Variants in RBBP8NL observed in about 807,000 individuals in gnomAD.
RBBP8NL encodes RBBP8 N-terminal like.
Under a neutral mutation model 62.2 loss-of-function variants are expected in RBBP8NL, and 59 were observed. That is an observed-to-expected ratio of 0.95 (90% CI 0.77 to 1.18). RBBP8NL has a LOEUF of 1.18. Among genes scored for constraint, RBBP8NL ranks in the 50% most tolerant of loss-of-function variants. The pLI is 0.00. For missense variants in RBBP8NL, 896 were observed against 899.5 expected, an observed-to-expected ratio of 1.00 and a Z score of 0.05; for synonymous variants, 412 against 394.1, an observed-to-expected ratio of 1.05 and a Z score of -0.54.
Position 62,418,295 on chromosome 20 carries a change from C to T in RBBP8NL, c.104+128G>A, listed in dbSNP as rs1160570591. Reference sequence around the variant, plus strand: ...ACCTTGGACAAGTGACTCCCCCCGCCCCCACACTGAGCCTCAGTTTCCCTT... The same window carrying T: ...ACCTTGGACAAGTGACTCCCCCCGCTCCCACACTGAGCCTCAGTTTCCCTT... On this transcript the variant is annotated intron_variant, in intron 3 of 13. Transcript: ENST00000252998. 7 of 945,456 alleles carry T rather than the reference C, an allele frequency of 7.4e-6. No homozygotes were observed. The East Asian group carries it at 7.9e-5, about 11-fold the overall frequency. The allele number at this position is 945,456 out of a possible 1,614,324, so 58.6% of individuals were successfully genotyped here. A position where few individuals can be genotyped will look rare whatever the true frequency, so the allele number is the denominator to read the frequency against.
rs1988421263 is a variant in RBBP8NL at position 62,411,000 on chromosome 20, T to C, written c.1877-4A>G. ...CCTCTGGATGGCTTTTTGGAGGCTA[T>C]GGGAAGTGGCCGGAGGTCAGGCCGG... On this transcript the variant is annotated splice_region_variant and splice_polypyrimidine_tract_variant and intron_variant, in intron 13 of 13. Coordinates refer to ENST00000252998, the MANE Select transcript of RBBP8NL (RefSeq NM_080833.3). The C allele has an allele frequency of 1.3e-6, 2 of 1,594,594 alleles. No individual in the cohort carries two copies. The highest frequency in any genetic ancestry group is 2.2e-5 in the South Asian group (2 of 90,686).
Position 62,419,733 on chromosome 20 carries a change from G to A in RBBP8NL, c.-83-3C>T, listed in dbSNP as rs1988659102. Reference sequence around the variant, plus strand: ...TCTACTGCCCCTCTGTGTCCATCCTGAAGAGGAGGAAGAGGGGACAGGGAT... The same window carrying A: ...TCTACTGCCCCTCTGTGTCCATCCTAAAGAGGAGGAAGAGGGGACAGGGAT... On this transcript the variant is annotated splice_polypyrimidine_tract_variant and splice_region_variant and intron_variant, in intron 1 of 13. Coordinates refer to ENST00000252998, the MANE Select transcript of RBBP8NL (RefSeq NM_080833.3). 6 of 1,396,154 alleles carry A rather than the reference G, an allele frequency of 4.3e-6. No homozygotes were observed. Among genetic ancestry groups the A allele is most frequent in the Non-Finnish European group, 6.0e-6 (6 of 997,632 alleles). 86.5% of individuals were successfully genotyped at this position (1,396,154 alleles called of 1,614,324 possible).
Position 62,423,075 on chromosome 20 carries a change from C to T in RBBP8NL, c.-83-3345G>A, listed in dbSNP as rs140178611. Among the ~76,000 whole-genome samples, 927 of 152,118 alleles carry T rather than the reference C, an allele frequency of 6.1e-3. 12 individuals carry two copies. Among genetic ancestry groups the T allele is most frequent in the African/African-American group, 0.021 (866 of 41,490 alleles). ...TTGCTGGTGAAGGGGACCAACAGGA[C>T]GCTGAGCTCCAGAGGTGGGGACAGC... On this transcript the variant is annotated intron_variant, in intron 1 of 13. Coordinates refer to ENST00000252998, the MANE Select transcript of RBBP8NL (RefSeq NM_080833.3).
intron 13 of RBBP8NL, among the ~76,000 whole-genome samples, chr20:62,412,349 A>T (rs1161974770): frequency 6.6e-6 from 1 of 152,072 alleles, no homozygotes; most frequent in Non-Finnish European, 1.5e-5. Context: ...ACGATCCCTA[A>T]TGTCAGCCCC....
Position 62,418,809 on chromosome 20 carries a change from G to A in RBBP8NL, c.62-344C>T, listed in dbSNP as rs117028509. ...TGTGTGTGTGTGTGTGTCATAGCTA[G>A]TGTTGAAATAAGATAAGCTTCTGGG... On this transcript the variant is annotated intron_variant, in intron 2 of 13. Transcript: ENST00000252998. Among the ~76,000 whole-genome samples the A allele has an allele frequency of 1.1e-3, 170 of 152,320 alleles. No homozygotes were observed. In the East Asian group the frequency reaches 0.029, roughly 26 times the overall value.
At position 62,416,939 on chromosome 20, in the gene RBBP8NL, A is replaced by G. The variant is rs373138115; in HGVS notation, c.201-67T>C. Reference sequence around the variant, plus strand: ...AAGCCACAGAGGGCCTGGGACACTCACTGCCCCACTGCTGGGAAGTGCCCC... The same window carrying G: ...AAGCCACAGAGGGCCTGGGACACTCGCTGCCCCACTGCTGGGAAGTGCCCC... On this transcript the variant is annotated intron_variant, in intron 4 of 13. Coordinates refer to ENST00000252998, the MANE Select transcript of RBBP8NL (RefSeq NM_080833.3). The G allele has an allele frequency of 5.5e-5, 66 of 1,209,138 alleles. No homozygotes were observed. In the South Asian group the frequency reaches 8.0e-4, roughly 15 times the overall value. The allele number at this position is 1,209,138 out of a possible 1,614,324, so 74.9% of individuals were successfully genotyped here.
intron 9 of RBBP8NL, 149 bp downstream of exon 9, chr20:62,414,972 G>A (rs1398007838): frequency 3.7e-6 from 3 of 819,492 alleles, no homozygotes; most frequent in Non-Finnish European, 5.4e-6. Flanking sequence ...GTCCACGTGG[G>A]AACTTTGCTC....
chr20:62,419,329 C>G (rs553581158), intron 2 of RBBP8NL, among the ~76,000 whole-genome samples: 16 of 152,280 alleles, frequency 1.1e-4, no homozygotes, highest in Admixed American at 9.8e-4. Flanking sequence ...AGTGCCCCTC[C>G]CCCTCGGGGT....
chr20:62,410,571 T>C lies in RBBP8NL; in HGVS notation c.*307A>G, dbSNP rs2236201. 0.45 allele frequency: 177,639 copies of C among 399,150 alleles called. 42,413 individuals are homozygous for C. Among genetic ancestry groups the C allele is most frequent in the African/African-American group, 0.62 (30,053 of 48,638 alleles). The allele number at this position is 399,150 out of a possible 1,614,324, so 24.7% of individuals were successfully genotyped here. A position where few individuals can be genotyped will look rare whatever the true frequency, so the allele number is the denominator to read the frequency against. ...GGCCGCAGAGCATTTCCCAGGTGGG[T>C]GGAGACGGGGTGAATCGCCAGCCTG... On this transcript the variant is annotated 3_prime_UTR_variant, in exon 14 of 14. Transcript: ENST00000252998.
At chr20:62,422,014 C>T (rs539940998) in intron 1 of RBBP8NL, among the ~76,000 whole-genome samples, 9 of 152,224 alleles carry the variant, frequency 5.9e-5, no homozygotes, top group Admixed American at 6.5e-5. Context: ...TCCTGCTCAA[C>T]CTTCCCTGAA....
intron 8 of RBBP8NL, 48 bp downstream of exon 8, chr20:62,415,530 C>T: frequency 6.3e-7 from 1 of 1,592,008 alleles, no homozygotes; most frequent in Non-Finnish European, 8.6e-7. Flanking sequence ...AGCCTCCTGC[C>T]TGCGCCGGCC....
At chr20:62,417,399 G>A (rs1988593840) in intron 3 of RBBP8NL, 80 bp from the exon 4 acceptor site, 1 of 1,170,970 alleles carries the variant, frequency 8.5e-7, no homozygotes, top group African/African-American at 2.2e-5. Flanking sequence ...GCCTGGGGGG[G>A]CAGCGCGATT....
rs188656076 is a variant in RBBP8NL, at chr20:62,416,114, G to C, written c.386+50C>G. 358 of 1,557,068 alleles carry C rather than the reference G, an allele frequency of 2.3e-4. 3 individuals are homozygous for C. The South Asian group carries it at 4.0e-3, about 17-fold the overall frequency. On this transcript the variant is annotated intron_variant, in intron 6 of 13. Transcript: ENST00000252998. ...GGGACGTGTGCTGGGTGCTGCTCGG[G>C]GGGTGCTGGGGAGTTGGGTGTCTGA...
At chr20:62,419,449 T>C (rs762119850) in intron 2 of RBBP8NL, 138 bp downstream of exon 2, 2 of 892,188 alleles carry the variant, frequency 2.2e-6, no homozygotes, top group Non-Finnish European at 3.4e-6. Flanking sequence ...CTCCCCTGCC[T>C]GGGCCAAAAA....
In RBBP8NL at chr20:62,427,466, C is replaced by T. The variant is rs1240366953; in HGVS notation, c.-90G>A. 1 of 152,330 alleles carries T rather than the reference C, an allele frequency of 6.6e-6. No individual in the cohort carries two copies. Among genetic ancestry groups the T allele is most frequent in the Non-Finnish European group, 1.5e-5 (1 of 68,114 alleles). 9.4% of individuals were successfully genotyped at this position (152,330 alleles called of 1,614,324 possible). On this transcript the variant is annotated 5_prime_UTR_variant, in exon 1 of 14. Transcript: ENST00000252998. ...CGGGGTCCCGGGTACTCACATGGCT[C>T]CTGGCCCTGCCTCAACCTCTGTCGA...
intron 5 of RBBP8NL, 74 bp downstream of exon 5, chr20:62,416,686 A>G (rs1988574255): frequency 3.0e-6 from 3 of 1,014,020 alleles, no homozygotes; most frequent in Non-Finnish European, 3.0e-6. Flanking sequence ...CCATGCCCCT[A>G]CATGGGCTGA....
chr20:62,415,104 G>A lies in RBBP8NL; in HGVS notation c.794+17C>T. 2 of 1,456,090 alleles carry A rather than the reference G, an allele frequency of 1.4e-6. No homozygotes were observed. Among genetic ancestry groups the A allele is most frequent in the South Asian group, 1.4e-5 (1 of 69,510 alleles). 90.2% of individuals were successfully genotyped at this position (1,456,090 alleles called of 1,614,324 possible). A position where few individuals can be genotyped will look rare whatever the true frequency, so the allele number is the denominator to read the frequency against. On this transcript the variant is annotated intron_variant, in intron 9 of 13. Coordinates refer to ENST00000252998, the MANE Select transcript of RBBP8NL (RefSeq NM_080833.3). The stretch of plus-strand genomic sequence containing the variant: ...TCATCTGAGGCTACTCTGGGTGAGG[G>A]TGGGGCAGGCGGGCACCTGTCCAGG...
Position 62,410,653 on chromosome 20 carries a change from G to A in RBBP8NL, c.*225C>T, listed in dbSNP as rs1426578319. 3 of 559,032 alleles carry A rather than the reference G, an allele frequency of 5.4e-6. No homozygotes were observed. The highest frequency in any genetic ancestry group is 3.8e-5 in the African/African-American group (2 of 52,762). The allele number at this position is 559,032 out of a possible 1,614,324, so 34.6% of individuals were successfully genotyped here. ...AGTGGGCCAGGATGTGCCCGTCACC[G>A]GCTCTTCGGGGTTGCCTGCTGGTTG... On this transcript the variant is annotated 3_prime_UTR_variant, in exon 14 of 14. Coordinates refer to ENST00000252998, the MANE Select transcript of RBBP8NL (RefSeq NM_080833.3).
At chr20:62,418,488 G>T (rs1316462836) in intron 2 of RBBP8NL, 23 bp from the exon 3 acceptor site, 1 of 1,543,442 alleles carries the variant, frequency 6.5e-7, no homozygotes, top group Admixed American at 2.0e-5. Flanking sequence ...GCAGAGGGGC[G>T]GGGGGTCAGG....
Sources: allele counts gnomAD v4.1 joint callset (sites outside exome capture counted in the v4.1 genomes callset), GRCh38; gene constraint gnomAD v4.1.1; transcripts MANE v1.5; gene names NCBI Gene and HGNC (gene_info 2026-07-23, HGNC 2026-07-21).